The following EML6 variants were observed in gnomAD, a reference collection of about 807,000 sequenced individuals.
EML6 encodes EMAP like 6.
Under a neutral mutation model 240.1 loss-of-function variants are expected in EML6, and 154 were observed. The observed-to-expected ratio is 0.64, with a 90% CI of 0.56 to 0.73. EML6 has a LOEUF of 0.73. Ranked by LOEUF, EML6 falls within the 30% of genes least tolerant of loss-of-function variation. EML6 has a pLI of 0.00. For synonymous variants in EML6, 1,148 were observed against 899.0 expected, an observed-to-expected ratio of 1.28 and a Z score of -4.95; for missense variants, 2,964 against 2,474.6, an observed-to-expected ratio of 1.20 and a Z score of -4.20.
intron 2 of EML6, among the ~76,000 whole-genome samples, chr2:54,801,030 G>A (rs760417840): frequency 5.9e-5 from 9 of 152,048 alleles, no homozygotes; most frequent in Admixed American, 3.3e-4. Flanking sequence ...TTTAAAAGTC[G>A]CTCATTGAGG....
At chr2:54,936,062 T>C (rs114415465) in intron 28 of EML6, among the ~76,000 whole-genome samples, 326 of 152,330 alleles carry the variant, frequency 2.1e-3, no homozygotes, top group African/African-American at 7.4e-3. Context: ...TTTAAACATC[T>C]TGGGCTCATC....
chr2:54,971,279 AATCTTTACCAGAAGCC>A lies in EML6; in HGVS notation c.*1188_*1203del, dbSNP rs1428596703. The A allele has an allele frequency of 6.6e-6, 1 of 152,230 alleles. No homozygotes were observed. The highest frequency in any genetic ancestry group is 1.5e-5 in the Non-Finnish European group (1 of 68,044). The allele number at this position is 152,230 out of a possible 1,614,324, so 9.4% of individuals were successfully genotyped here. On this transcript the variant is annotated 3_prime_UTR_variant, in exon 42 of 42. Transcript: ENST00000356458. Reference sequence around the variant, plus strand: ...TTGTATGACGGAATATGACTTGGACAATCTTTACCAGAAGCCATCCGTAAGCCCCTCAGTCACACTT... The same window carrying A: ...TTGTATGACGGAATATGACTTGGACAATCCGTAAGCCCCTCAGTCACACTT...
intron 14 of EML6, chr2:54,868,357 T>G (rs1028527175): frequency 6.6e-6 from 1 of 152,196 alleles, no homozygotes; most frequent in Non-Finnish European, 1.5e-5. Flanking sequence ...TGGAAATTAT[T>G]TTAATATGAT....
intron 2 of EML6, among the ~76,000 whole-genome samples, chr2:54,794,436 C>T (rs756776600): frequency 2.6e-5 from 4 of 152,080 alleles, no homozygotes; most frequent in African/African-American, 4.8e-5. Flanking sequence ...ATTACTAAAA[C>T]GTTAGTTCTC....
chr2:54,802,103 T>G (rs1030205981), intron 2 of EML6, among the ~76,000 whole-genome samples: 1 of 152,190 alleles, frequency 6.6e-6, no homozygotes, highest in African/African-American at 2.4e-5. Context: ...GGCACGGTGC[T>G]GTTCTGGGGG....
chr2:54,892,714 G>T, intron 19 of EML6, 58 bp downstream of exon 19: 1 of 1,376,336 alleles, frequency 7.3e-7, no homozygotes. Flanking sequence ...TTATAAGGTA[G>T]TCTTAGGATG....
At chr2:54,844,458 A>G (rs1403497495) in intron 8 of EML6, among the ~76,000 whole-genome samples, 4 of 152,184 alleles carry the variant, frequency 2.6e-5, no homozygotes, top group Admixed American at 6.5e-5. Context: ...AATGTTTTTT[A>G]GAAGTGAAAA....
intron 21 of EML6, 136 bp downstream of exon 21, chr2:54,895,536 T>C: frequency 2.6e-6 from 2 of 773,494 alleles, no homozygotes; most frequent in Non-Finnish European, 4.1e-6. Flanking sequence ...TAGTTACCTA[T>C]TGCTGTGTAA....
At chr2:54,908,151 GTT>G (rs889364054) in intron 24 of EML6, among the ~76,000 whole-genome samples, 3 of 149,904 alleles carry the variant, frequency 2.0e-5, no homozygotes, top group African/African-American at 7.5e-5. Flanking sequence ...TTTTGGTTTG[GTT>G]TTTTCTTCTT....
chr2:54,924,685 C>A (rs1374845281), intron 26 of EML6, among the ~76,000 whole-genome samples: 1 of 152,184 alleles, frequency 6.6e-6, no homozygotes, highest in Non-Finnish European at 1.5e-5. Context: ...CTTCAGCCTC[C>A]TGAATAGCTG....
chr2:54,804,554 C>A (rs566499048), intron 2 of EML6, among the ~76,000 whole-genome samples: 16 of 152,196 alleles, frequency 1.1e-4, no homozygotes, highest in Non-Finnish European at 1.6e-4. Context: ...ATCAGACAAC[C>A]CTGCCCACTT....
At position 54,780,462 on chromosome 2, in the gene EML6, C is replaced by G. The variant is rs140719064; in HGVS notation, c.198-32770C>G. Among the ~76,000 whole-genome samples the G allele has an allele frequency of 3.0e-3, 455 of 152,256 alleles. 2 individuals carry two copies. The highest frequency in any genetic ancestry group is 0.01 in the African/African-American group (430 of 41,542). ...CAGAGATCTTCTTTGCACATGCTTG[C>G]TTTCTAGAGAGGGCTGTACTGGAGT... On this transcript the variant is annotated intron_variant, in intron 2 of 41. Transcript: ENST00000356458.
chr2:54,941,145 C>T (rs553742613), intron 28 of EML6, among the ~76,000 whole-genome samples: 2 of 152,176 alleles, frequency 1.3e-5, no homozygotes, highest in East Asian at 3.9e-4. Flanking sequence ...AATTGACATG[C>T]AATAATTTTA....
chr2:54,947,648 G>A (rs991489237), intron 28 of EML6, among the ~76,000 whole-genome samples: 1 of 152,150 alleles, frequency 6.6e-6, no homozygotes, highest in Admixed American at 6.5e-5. Flanking sequence ...AGATGTCATT[G>A]TTTTTCTGAC....
chr2:54,841,391 C>T (rs1289203023), intron 7 of EML6, among the ~76,000 whole-genome samples: 3 of 152,152 alleles, frequency 2.0e-5, no homozygotes, highest in South Asian at 4.1e-4. Flanking sequence ...GGAGTAAAGA[C>T]AGTTATCTCA....
intron 28 of EML6, among the ~76,000 whole-genome samples, chr2:54,943,562 A>G (rs1416067401): frequency 2.0e-5 from 3 of 151,896 alleles, no homozygotes; most frequent in African/African-American, 7.3e-5. Flanking sequence ...ATCCTATCTC[A>G]TCTGTCCTCT....
intron 2 of EML6, among the ~76,000 whole-genome samples, chr2:54,726,077 T>C (rs1682894862): frequency 6.6e-6 from 1 of 152,206 alleles, no homozygotes; most frequent in South Asian, 2.1e-4. Context: ...CCTCCAGCCC[T>C]TGTCAGCTTT....
At chr2:54,850,730 C>G (rs1421623694) in intron 10 of EML6, among the ~76,000 whole-genome samples, 1 of 152,200 alleles carries the variant, frequency 6.6e-6, no homozygotes, top group Non-Finnish European at 1.5e-5. Flanking sequence ...ATGGAAACCA[C>G]ATATACTGCT....
At chr2:54,790,151 C>G (rs1669351300) in intron 2 of EML6, among the ~76,000 whole-genome samples, 1 of 152,146 alleles carries the variant, frequency 6.6e-6, no homozygotes, top group South Asian at 2.1e-4. Flanking sequence ...TTAGTAATGA[C>G]TAGTGATTTT....
Sources: gnomAD v4.1 joint callset for allele counts (sites outside exome capture counted in the v4.1 genomes callset) on GRCh38, gnomAD v4.1.1 for gene constraint, MANE v1.5 for transcripts, NCBI Gene and HGNC (gene_info 2026-07-23, HGNC 2026-07-21) for gene names.